TENM3: variants seen among roughly 807,000 people sequenced by gnomAD.
TENM3 encodes the protein teneurin-3.
TENM3 carries 63 observed loss-of-function variants against 255.1 expected under a neutral mutation model. The observed-to-expected ratio is 0.25, with a 90% confidence interval of 0.20 to 0.30. TENM3 has a LOEUF of 0.30. TENM3 is among the 10% of genes least tolerant of loss of function. The pLI is 1.00. For missense variants in TENM3, 2,929 were observed against 3,461.1 expected (o/e 0.85, Z 3.86); for synonymous variants, 1,306 against 1,322.3 (o/e 0.99, Z 0.27).
chr4:182,112,394 G>T, the TENM3 span, among the ~76,000 whole-genome samples: 4 of 152,070 alleles, frequency 2.6e-5, no homozygotes, highest in East Asian at 7.7e-4. Context: ...CATTTGATGA[G>T]GTTCTTCAGA....
At chr4:182,088,461 A>C in the TENM3 span, among the ~76,000 whole-genome samples, 15,437 of 152,226 alleles carry the variant, frequency 0.1, 927 homozygotes, top group Middle Eastern at 0.22. Context: ...CCAACCTTTC[A>C]ACAGAGAAAA....
At chr4:181,675,868 T>C in the TENM3 span, among the ~76,000 whole-genome samples, 1 of 152,132 alleles carries the variant, frequency 6.6e-6, no homozygotes, top group African/African-American at 2.4e-5. Flanking sequence ...CCAGTTTGAG[T>C]TGGGTTAAAT....
At chr4:182,314,824 T>C (rs1192228349) in intron 1 of TENM3, among the ~76,000 whole-genome samples, 1 of 152,264 alleles carries the variant, frequency 6.6e-6, no homozygotes, top group Non-Finnish European at 1.5e-5. Context: ...ATTTGATCTG[T>C]ACCATATTTT....
chr4:182,634,760 A>C (rs1382857623), intron 5 of TENM3, among the ~76,000 whole-genome samples: 1 of 152,052 alleles, frequency 6.6e-6, no homozygotes, highest in Admixed American at 6.6e-5. Context: ...TGTTCACCAA[A>C]GAATGGCAAA....
intron 3 of TENM3, among the ~76,000 whole-genome samples, chr4:182,380,001 G>T (rs1767455320): frequency 6.6e-6 from 1 of 152,190 alleles, no homozygotes; most frequent in Non-Finnish European, 1.5e-5. Context: ...GGGCGCAGTG[G>T]CTCACCCCTG....
the TENM3 span, among the ~76,000 whole-genome samples, chr4:181,910,291 G>C: frequency 6.6e-6 from 1 of 151,912 alleles, no homozygotes; most frequent in Non-Finnish European, 1.5e-5. Context: ...TACAGGCCGG[G>C]TGCAGTGGCT....
chr4:182,015,676 T>C, the TENM3 span, among the ~76,000 whole-genome samples: 1 of 152,122 alleles, frequency 6.6e-6, no homozygotes, highest in African/African-American at 2.4e-5. Flanking sequence ...TTCTCCTGCC[T>C]CAGCCTCCTG....
At chr4:181,977,261 C>T in the TENM3 span, among the ~76,000 whole-genome samples, 3 of 152,166 alleles carry the variant, frequency 2.0e-5, no homozygotes, top group East Asian at 1.9e-4. Context: ...AAAGAACCAC[C>T]GTTAAAGTTT....
chr4:182,601,329 G>A (rs1306006628), intron 4 of TENM3, among the ~76,000 whole-genome samples, 168 bp downstream of exon 4: 1 of 151,980 alleles, frequency 6.6e-6, no homozygotes, highest in Non-Finnish European at 1.5e-5. Context: ...TTAGTTGCTG[G>A]GTCAGTGAAT....
the TENM3 span, among the ~76,000 whole-genome samples, chr4:181,743,253 T>G: frequency 6.6e-6 from 1 of 152,214 alleles, no homozygotes; most frequent in Non-Finnish European, 1.5e-5. Context: ...ATCGCCACAC[T>G]GACTTCCACA....
At chr4:181,777,645 G>T in the TENM3 span, among the ~76,000 whole-genome samples, 1 of 152,036 alleles carries the variant, frequency 6.6e-6, no homozygotes, top group Non-Finnish European at 1.5e-5. Context: ...ACTCTTAGTA[G>T]GTCAATGATT....
At chr4:181,544,479 A>G in the TENM3 span, among the ~76,000 whole-genome samples, 2 of 148,992 alleles carry the variant, frequency 1.3e-5, no homozygotes, top group Non-Finnish European at 3.0e-5. Flanking sequence ...CCACATTTGA[A>G]AAACTCACAT....
chr4:182,144,349 T>A (rs1749728362), upstream of TENM3: 1 of 152,538 alleles, frequency 6.6e-6, no homozygotes. Context: ...CTGGCCCTTC[T>A]CGCCTTCCTC....
chr4:181,777,957 A>G, the TENM3 span, among the ~76,000 whole-genome samples: 1 of 152,072 alleles, frequency 6.6e-6, no homozygotes, highest in Non-Finnish European at 1.5e-5. Context: ...CTTAGCTTAT[A>G]ATTAAATACA....
the TENM3 span, among the ~76,000 whole-genome samples, chr4:182,007,489 G>A: frequency 6.6e-6 from 1 of 152,026 alleles, no homozygotes; most frequent in Admixed American, 6.6e-5. Context: ...GTCTTTCTTT[G>A]TCTTTTTTGA....
chr4:181,521,334 G>A, the TENM3 span, among the ~76,000 whole-genome samples: 1,572 of 152,260 alleles, frequency 0.01, 30 homozygotes, highest in African/African-American at 0.035. Context: ...AACTCTTACC[G>A]ATGCCATTAG....
At chr4:181,726,764 G>T in the TENM3 span, among the ~76,000 whole-genome samples, 7 of 152,092 alleles carry the variant, frequency 4.6e-5, no homozygotes, top group African/African-American at 1.7e-4. Flanking sequence ...CAGGTTGAGG[G>T]CTCAGTCCCA....
chr4:181,945,665 A>T, the TENM3 span, among the ~76,000 whole-genome samples: 1 of 152,090 alleles, frequency 6.6e-6, no homozygotes, highest in Non-Finnish European at 1.5e-5. Flanking sequence ...GAAACGAAGC[A>T]GTTAAAAGTC....
intron 5 of TENM3, among the ~76,000 whole-genome samples, chr4:182,652,172 C>G (rs1753366654): frequency 6.6e-6 from 1 of 152,162 alleles, no homozygotes; most frequent in South Asian, 2.1e-4. Context: ...TTGAGACCTA[C>G]TAGGTATCAG....
Sources: allele counts gnomAD v4.1 joint callset (sites outside exome capture counted in the v4.1 genomes callset), GRCh38; gene constraint gnomAD v4.1.1; transcripts MANE v1.5; gene names NCBI Gene and HGNC (gene_info 2026-07-23, HGNC 2026-07-21).